NKAIN2: variants seen among roughly 807,000 people sequenced by gnomAD.
NKAIN2 encodes sodium/potassium transporting ATPase interacting 2, also known as sodium/potassium-transporting ATPase subunit beta-1-interacting protein 2.
Under a neutral mutation model 32.6 loss-of-function variants are expected in NKAIN2, and 14 were observed. That is an observed-to-expected ratio of 0.43 (90% CI 0.28 to 0.67). The LOEUF is 0.67. Ranked by LOEUF, NKAIN2 falls within the 30% of genes least tolerant of loss-of-function variation. NKAIN2 has a pLI of 0.17. For synonymous variants in NKAIN2, 80 were observed against 87.2 expected, an observed-to-expected ratio of 0.92 and a Z score of 0.46; for missense variants, 198 against 258.3, an observed-to-expected ratio of 0.77 and a Z score of 1.60.
intron 1 of NKAIN2, among the ~76,000 whole-genome samples, chr6:124,051,322 A>C (rs1366448801): frequency 6.6e-6 from 1 of 152,098 alleles, no homozygotes; most frequent in African/African-American, 2.4e-5. Flanking sequence ...CTGACTTCAA[A>C]GACAGTTACA....
chr6:124,169,094 T>C (rs1231659722), intron 1 of NKAIN2, among the ~76,000 whole-genome samples: 1 of 152,130 alleles, frequency 6.6e-6, no homozygotes, highest in Non-Finnish European at 1.5e-5. Context: ...TGTGTGTGTA[T>C]ATGTGCACAG....
chr6:124,406,835 A>G (rs899953136), intron 3 of NKAIN2, among the ~76,000 whole-genome samples: 1 of 152,084 alleles, frequency 6.6e-6, no homozygotes, highest in Non-Finnish European at 1.5e-5. Context: ...ACTGATGTTG[A>G]TCATCTTCTC....
At chr6:124,200,678 G>A (rs757316876) in intron 1 of NKAIN2, among the ~76,000 whole-genome samples, 5 of 151,932 alleles carry the variant, frequency 3.3e-5, no homozygotes, top group African/African-American at 4.8e-5. Flanking sequence ...ATTGTGCCTC[G>A]TCTTTTCTCA....
intron 1 of NKAIN2, among the ~76,000 whole-genome samples, chr6:124,264,896 A>G (rs954823508): frequency 1.3e-5 from 2 of 152,188 alleles, no homozygotes; most frequent in African/African-American, 4.8e-5. Context: ...AATCTTTAAT[A>G]TGTTTAAAAT....
chr6:124,575,671 A>T (rs1781303381), intron 3 of NKAIN2, among the ~76,000 whole-genome samples: 1 of 152,186 alleles, frequency 6.6e-6, no homozygotes, highest in South Asian at 2.1e-4. Context: ...TGCTTAGGCC[A>T]GTGAAAACTG....
At chr6:123,946,296 A>G (rs927036065) in intron 1 of NKAIN2, among the ~76,000 whole-genome samples, 1 of 152,096 alleles carries the variant, frequency 6.6e-6, no homozygotes, top group African/African-American at 2.4e-5. Flanking sequence ...TGTTTTGTAC[A>G]TTTGTTTCTT....
chr6:124,190,963 A>G (rs1470160820), intron 1 of NKAIN2, among the ~76,000 whole-genome samples: 1 of 152,152 alleles, frequency 6.6e-6, no homozygotes, highest in Non-Finnish European at 1.5e-5. Flanking sequence ...CCCCACCATC[A>G]ATATTCTACA....
At chr6:124,816,279 G>A (rs939703315) in intron 5 of NKAIN2, among the ~76,000 whole-genome samples, 1 of 152,150 alleles carries the variant, frequency 6.6e-6, no homozygotes, top group African/African-American at 2.4e-5. Context: ...CGGGGGTTGG[G>A]GGAGGAAAGG....
intron 3 of NKAIN2, among the ~76,000 whole-genome samples, chr6:124,418,090 T>C (rs919399783): frequency 4.6e-5 from 7 of 152,070 alleles, no homozygotes; most frequent in Non-Finnish European, 7.4e-5. Flanking sequence ...TATTAGGCAT[T>C]AAATATATTT....
chr6:124,071,513 G>T (rs1251932618), intron 1 of NKAIN2, among the ~76,000 whole-genome samples: 2 of 152,094 alleles, frequency 1.3e-5, no homozygotes. Context: ...CACAGCATAA[G>T]AAACTATCAA....
intron 3 of NKAIN2, among the ~76,000 whole-genome samples, chr6:124,560,541 C>A (rs1279089013): frequency 1.3e-5 from 2 of 152,194 alleles, no homozygotes; most frequent in Non-Finnish European, 2.9e-5. Flanking sequence ...TACTTATTAC[C>A]TATGTAGCCC....
chr6:124,292,729 A>G (rs997752878), intron 2 of NKAIN2, among the ~76,000 whole-genome samples: 4 of 152,136 alleles, frequency 2.6e-5, no homozygotes, highest in African/African-American at 9.7e-5. Context: ...TTACAAGATA[A>G]GAGGTTCATG....
At chr6:124,155,124 T>C (rs923431079) in intron 1 of NKAIN2, among the ~76,000 whole-genome samples, 1 of 152,086 alleles carries the variant, frequency 6.6e-6, no homozygotes, top group Non-Finnish European at 1.5e-5. Flanking sequence ...GGGAATGAGT[T>C]TTCTTTTTTT....
At chr6:124,411,359 T>C (rs554624201) in intron 3 of NKAIN2, among the ~76,000 whole-genome samples, 1 of 152,238 alleles carries the variant, frequency 6.6e-6, no homozygotes, top group Admixed American at 6.5e-5. Flanking sequence ...CTTCAGGAGC[T>C]CTTTTAGGGC....
At chr6:124,258,386 T>C (rs1435727451) in intron 1 of NKAIN2, among the ~76,000 whole-genome samples, 1 of 152,212 alleles carries the variant, frequency 6.6e-6, no homozygotes, top group African/African-American at 2.4e-5. Context: ...TGTTCCTTCA[T>C]TCATTTTTTG....
At chr6:124,247,414 T>G (rs1793465780) in intron 1 of NKAIN2, among the ~76,000 whole-genome samples, 2 of 152,102 alleles carry the variant, frequency 1.3e-5, no homozygotes, top group African/African-American at 4.8e-5. Flanking sequence ...AAAGCTATTT[T>G]ATTTCTTTTC....
intron 3 of NKAIN2, among the ~76,000 whole-genome samples, chr6:124,501,351 A>G (rs963616815): frequency 1.3e-5 from 2 of 152,244 alleles, no homozygotes; most frequent in African/African-American, 4.8e-5. Flanking sequence ...AGTCTTAAAT[A>G]AAGTGCATGA....
intron 3 of NKAIN2, among the ~76,000 whole-genome samples, chr6:124,412,757 G>A (rs1378610749): frequency 6.6e-6 from 1 of 152,188 alleles, no homozygotes; most frequent in African/African-American, 2.4e-5. Context: ...GTTTGTCTGT[G>A]CCCTGCCCCC....
rs71021477 is a variant in NKAIN2, at chr6:124,078,786, TTGTGTGTGTGTG to T, written c.55-204189_55-204178del. On this transcript the variant is annotated intron_variant, in intron 1 of 6. Coordinates refer to ENST00000368417, the MANE Select transcript of NKAIN2 (RefSeq NM_001040214.3). ...CAAGCCAAAAATGGCTATGTCGTTT[TTGTGTGTGTGTG>T]TGTGTGTGTGTGTGTGTGTGTGTGT... Among the ~76,000 whole-genome samples the T allele has an allele frequency of 4.3e-4, 62 of 144,734 alleles. 1 individual carries two copies. The highest frequency in any genetic ancestry group is 1.4e-3 in the African/African-American group (54 of 39,078). 95.0% of individuals were successfully genotyped at this position (144,734 alleles called of 152,430 possible).
Sources: allele counts gnomAD v4.1 joint callset (sites outside exome capture counted in the v4.1 genomes callset), GRCh38; gene constraint gnomAD v4.1.1; transcripts MANE v1.5; gene names NCBI Gene and HGNC (gene_info 2026-07-23, HGNC 2026-07-21).